The following PDE1A variants were observed in gnomAD, a reference collection of about 807,000 sequenced individuals.
PDE1A encodes the protein phosphodiesterase 1A, also known as dual specificity calcium/calmodulin-dependent 3',5'-cyclic nucleotide phosphodiesterase 1A.
PDE1A carries 35 observed loss-of-function variants against 61.7 expected under a neutral mutation model. That is an observed-to-expected ratio of 0.57 (90% CI 0.43 to 0.75). The LOEUF (loss-of-function observed/expected upper bound fraction) is 0.75, where lower values mean the gene tolerates loss of function less well. PDE1A is among the 30% of genes least tolerant of loss of function. The probability of loss-of-function intolerance (pLI) is 0.00; values close to 1 mark genes in which losing one functional copy is unlikely to be tolerated. For synonymous variants in PDE1A, 232 were observed against 213.2 expected (o/e 1.09, Z -0.77); for missense variants, 597 against 630.6 (o/e 0.95, Z 0.57).
chr2:182,517,684 G>A (rs1175036493), intron 2 of PDE1A, among the ~76,000 whole-genome samples: 4 of 152,186 alleles, frequency 2.6e-5, no homozygotes. Context: ...AATTTCCTTT[G>A]CAAGTGAAAT....
intron 10 of PDE1A, among the ~76,000 whole-genome samples, chr2:182,192,231 T>C (rs535668262): frequency 6.6e-6 from 1 of 152,144 alleles, no homozygotes; most frequent in Non-Finnish European, 1.5e-5. Context: ...TTGACAGATA[T>C]ATGCAGGGAT....
At chr2:182,413,863 A>C (rs991046966) in intron 1 of PDE1A, among the ~76,000 whole-genome samples, 1 of 152,146 alleles carries the variant, frequency 6.6e-6, no homozygotes, top group Non-Finnish European at 1.5e-5. Flanking sequence ...ATTAAATCTC[A>C]TGGTGCACTA....
intron 1 of PDE1A, among the ~76,000 whole-genome samples, chr2:182,298,120 T>C (rs1695006086): frequency 6.6e-6 from 1 of 152,202 alleles, no homozygotes; most frequent in Non-Finnish European, 1.5e-5. Flanking sequence ...CCTGGTGTAC[T>C]ACAGCACCAC....
chr2:182,550,051 T>C, the PDE1A span, among the ~76,000 whole-genome samples: 1 of 152,294 alleles, frequency 6.6e-6, no homozygotes, highest in East Asian at 1.9e-4. Context: ...ACATTTTCTC[T>C]TGGAGATTCC....
the PDE1A span, among the ~76,000 whole-genome samples, chr2:182,635,463 C>T: frequency 6.6e-6 from 1 of 152,046 alleles, no homozygotes; most frequent in African/African-American, 2.4e-5. Context: ...AAAATTAGTA[C>T]ATAGAATACT....
At chr2:182,640,146 T>C in the PDE1A span, among the ~76,000 whole-genome samples, 1 of 152,214 alleles carries the variant, frequency 6.6e-6, no homozygotes, top group African/African-American at 2.4e-5. Flanking sequence ...GAATTTTATA[T>C]CTTGCCAAGC....
intron 1 of PDE1A, among the ~76,000 whole-genome samples, chr2:182,315,520 A>G (rs1696281183): frequency 6.6e-6 from 1 of 152,204 alleles, no homozygotes; most frequent in African/African-American, 2.4e-5. Flanking sequence ...AGTTTATTTT[A>G]CATGTATTGG....
At chr2:182,675,279 A>T in the PDE1A span, among the ~76,000 whole-genome samples, 767 of 152,270 alleles carry the variant, frequency 5.0e-3, 8 homozygotes, top group African/African-American at 0.017. Flanking sequence ...CCTGCAAAAG[A>T]CATGATCTCA....
At chr2:182,220,047 T>C (rs1688591104) in intron 7 of PDE1A, among the ~76,000 whole-genome samples, 1 of 152,040 alleles carries the variant, frequency 6.6e-6, no homozygotes. Context: ...ATATGATAAA[T>C]GACCTACCAG....
At chr2:182,516,787 G>GAA (rs1323149655) in intron 2 of PDE1A, among the ~76,000 whole-genome samples, 3 of 106,240 alleles carry the variant, frequency 2.8e-5, no homozygotes, top group African/African-American at 1.0e-4. Flanking sequence ...GAAAGAAAAA[G>GAA]AAAGAAAGAG....
intron 1 of PDE1A, among the ~76,000 whole-genome samples, chr2:182,272,134 G>C (rs1281587873): frequency 1.3e-5 from 2 of 152,044 alleles, no homozygotes; most frequent in Non-Finnish European, 2.9e-5. Flanking sequence ...CTAATATCCA[G>C]CTAATTGGGG....
In PDE1A at chr2:182,224,302, G is replaced by A. The variant is rs147740181; in HGVS notation, c.676-338C>T. Among the ~76,000 whole-genome samples, 554 of 151,880 alleles carry A rather than the reference G, an allele frequency of 3.6e-3. 4 individuals are homozygous for A. The highest frequency in any genetic ancestry group is 0.013 in the African/African-American group (532 of 41,476). On this transcript the variant is annotated intron_variant, in intron 6 of 13. Transcript: ENST00000351439. ...TTCTTCTGAAATCAATTACAGTTTGGTGATTTTTATCATACAGCTCATACA... is the reference window on the plus strand; with the variant it reads ...TTCTTCTGAAATCAATTACAGTTTGATGATTTTTATCATACAGCTCATACA...
chr2:182,453,546 G>A (rs1009751244), intron 2 of PDE1A, among the ~76,000 whole-genome samples: 24 of 151,962 alleles, frequency 1.6e-4, no homozygotes, highest in African/African-American at 4.8e-4. Flanking sequence ...GAATCCAGCA[G>A]CACATCAAAA....
At chr2:182,655,525 C>A in the PDE1A span, among the ~76,000 whole-genome samples, 1 of 152,192 alleles carries the variant, frequency 6.6e-6, no homozygotes, top group South Asian at 2.1e-4. Context: ...ATCCTGCCAT[C>A]CTTTAAAGAG....
chr2:182,516,857 G>C lies in PDE1A; in HGVS notation c.101+5419C>G, dbSNP rs1049109196. On this transcript the variant is annotated intron_variant, in intron 2 of 14. Transcript: ENST00000410103. Reference sequence around the variant, plus strand: ...AGGGAGGGAGGGAGGGAGGGAGGGAGGGAGGGAGGAAGATGAATCTTTGTG... The same window carrying C: ...AGGGAGGGAGGGAGGGAGGGAGGGACGGAGGGAGGAAGATGAATCTTTGTG... Among the ~76,000 whole-genome samples, 92 of 148,766 alleles carry C rather than the reference G, an allele frequency of 6.2e-4. 1 individual carries two copies. The highest frequency in any genetic ancestry group is 1.9e-3 in the African/African-American group (77 of 40,410).
chr2:182,357,706 A>T (rs1204638262), intron 1 of PDE1A, among the ~76,000 whole-genome samples: 4 of 152,188 alleles, frequency 2.6e-5, no homozygotes, highest in Non-Finnish European at 5.9e-5. Flanking sequence ...TACTATGAGA[A>T]ATTTTAACTA....
At chr2:182,587,413 A>G in the PDE1A span, among the ~76,000 whole-genome samples, 6 of 152,284 alleles carry the variant, frequency 3.9e-5, no homozygotes, top group South Asian at 1.2e-3. Context: ...AACAGGTCCA[A>G]TACAGAGACC....
intron 2 of PDE1A, among the ~76,000 whole-genome samples, chr2:182,479,565 T>C (rs898645878): frequency 4.0e-5 from 6 of 151,704 alleles, no homozygotes; most frequent in Non-Finnish European, 8.8e-5. Flanking sequence ...ACAGCCAGAC[T>C]TAGGACACAT....
At chr2:182,551,574 C>T in the PDE1A span, among the ~76,000 whole-genome samples, 6 of 152,352 alleles carry the variant, frequency 3.9e-5, no homozygotes, top group Admixed American at 2.0e-4. Context: ...GCAGCCACCA[C>T]TTCAGAGGGC....
Sources: allele counts gnomAD v4.1 joint callset (sites outside exome capture counted in the v4.1 genomes callset), GRCh38; gene constraint gnomAD v4.1.1; transcripts MANE v1.5; gene names NCBI Gene and HGNC (gene_info 2026-07-23, HGNC 2026-07-21).